Variants in C6 observed in about 807,000 individuals in gnomAD.
C6 encodes the protein complement component C6.
In C6, 101 loss-of-function variants were observed where a neutral mutation model predicts 112.9. The observed-to-expected ratio is 0.89, with a 90% confidence interval of 0.76 to 1.06. The LOEUF (loss-of-function observed/expected upper bound fraction) is 1.06. Among genes scored for constraint, C6 ranks in the 50% least tolerant of loss-of-function variants. The pLI is 0.00. For missense variants in C6, 1,202 were observed against 1,104.6 expected (o/e 1.09, Z -1.25); for synonymous variants, 431 against 384.1 (o/e 1.12, Z -1.43).
chr5:41,225,412 G>A (rs1181406095), intron 1 of C6, among the ~76,000 whole-genome samples: 1 of 152,056 alleles, frequency 6.6e-6, no homozygotes, highest in Admixed American at 6.6e-5. Flanking sequence ...ATTTTTTACG[G>A]CTGCATAGTA....
chr5:41,158,880 A>C lies in C6; in HGVS notation c.1857-95T>G, dbSNP rs1195150672. On this transcript the variant is annotated intron_variant, in intron 12 of 17. Transcript: ENST00000337836. Reference sequence around the variant, plus strand: ...ATGTGTATACATGTGTACACATTGCATACATATATGTATTAAATAGAAAAC... The same window carrying C: ...ATGTGTATACATGTGTACACATTGCCTACATATATGTATTAAATAGAAAAC... 3 of 961,934 alleles carry C rather than the reference A, an allele frequency of 3.1e-6. No individual in the cohort carries two copies. In the African/African-American group the frequency reaches 4.8e-5, roughly 15 times the overall value. 59.6% of individuals were successfully genotyped at this position (961,934 alleles called of 1,614,324 possible). A position where few individuals can be genotyped will look rare whatever the true frequency, so the allele number is the denominator to read the frequency against.
At chr5:41,244,445 C>A (rs183163552) in intron 1 of C6, among the ~76,000 whole-genome samples, 8 of 152,288 alleles carry the variant, frequency 5.3e-5, no homozygotes, top group Non-Finnish European at 1.0e-4. Flanking sequence ...GATCATACTT[C>A]ACAAATGGTA....
intron 5 of C6, among the ~76,000 whole-genome samples, chr5:41,192,521 T>C (rs954074286): frequency 3.9e-5 from 6 of 152,176 alleles, no homozygotes; most frequent in Admixed American, 2.6e-4. Flanking sequence ...CTTTTCTTTT[T>C]TGGGAGACTT....
At chr5:41,254,829 GC>G in intron 1 of C6, among the ~76,000 whole-genome samples, 1 of 152,326 alleles carries the variant, frequency 6.6e-6, no homozygotes, top group South Asian at 2.1e-4. Context: ...GACTAGTCCT[GC>G]AAGAGTTTAT....
chr5:41,223,911 A>G (rs1255496197), intron 1 of C6, among the ~76,000 whole-genome samples: 2 of 152,126 alleles, frequency 1.3e-5, no homozygotes, highest in African/African-American at 4.8e-5. Context: ...AGCAGTGCCT[A>G]AATTTTCATT....
Position 41,161,633 on chromosome 5 carries a change from C to A in C6, c.1458+60G>T, listed in dbSNP as rs535317652. The A allele has an allele frequency of 1.1e-5, 14 of 1,310,958 alleles. No homozygotes were observed. The South Asian group carries it at 1.7e-4, about 15-fold the overall frequency. The allele number at this position is 1,310,958 out of a possible 1,614,324, so 81.2% of individuals were successfully genotyped here. On this transcript the variant is annotated intron_variant, in intron 10 of 17. Coordinates refer to ENST00000337836, the MANE Select transcript of C6 (RefSeq NM_000065.5). ...AATGGAAAATAAATTGTGTGATGTG[C>A]AATTTGGGCTGCTAGAGAACTACTT...
At chr5:41,151,025 A>G (rs1281922015) in intron 15 of C6, among the ~76,000 whole-genome samples, 1 of 152,162 alleles carries the variant, frequency 6.6e-6, no homozygotes. Context: ...TGGGAGGCTA[A>G]TAGGGTCTTT....
chr5:41,258,075 G>A (rs747760368), intron 1 of C6, among the ~76,000 whole-genome samples: 1 of 151,774 alleles, frequency 6.6e-6, no homozygotes, highest in Non-Finnish European at 1.5e-5. Context: ...AACCCACCAG[G>A]CATGGTCTTC....
chr5:41,195,967 A>G, intron 4 of C6, 34 bp from the exon 5 acceptor site: 1 of 1,611,792 alleles, frequency 6.2e-7, no homozygotes, highest in Non-Finnish European at 8.5e-7. Context: ...TCAATGCAAC[A>G]AATTATCATT....
chr5:41,201,834 A>C, intron 2 of C6, 120 bp from the exon 3 acceptor site: 1 of 926,806 alleles, frequency 1.1e-6, no homozygotes, highest in Non-Finnish European at 1.7e-6. Context: ...ATTTTCATGG[A>C]AAAATTAGGC....
chr5:41,160,420 T>A (rs1308784709), intron 10 of C6, 53 bp from the exon 11 acceptor site: 2 of 1,356,154 alleles, frequency 1.5e-6, no homozygotes, highest in African/African-American at 1.4e-5. Flanking sequence ...TGGTAATAGG[T>A]TGCCATTACT....
In C6 at chr5:41,181,352, T is replaced by C. The variant is rs1350974594; in HGVS notation, c.927+7A>G. 6 of 1,613,042 alleles carry C rather than the reference T, an allele frequency of 3.7e-6. No homozygotes were observed. The highest frequency in any genetic ancestry group is 1.3e-5 in the African/African-American group (1 of 75,032). On this transcript the variant is annotated splice_region_variant and intron_variant, in intron 7 of 17. Transcript: ENST00000337836. ...AAGAATAAAAGGTTGGAAACCATTT[T>C]TGATACCTTTTTGTGAGAGGCTTGA...
At chr5:41,245,056 A>AT (rs1202620201) in intron 1 of C6, among the ~76,000 whole-genome samples, 4 of 152,050 alleles carry the variant, frequency 2.6e-5, no homozygotes, top group East Asian at 1.9e-4. Flanking sequence ...ATTTGTTAAC[A>AT]TTTTTTATAA....
rs371333689 is a variant in C6 at position 41,181,442 on chromosome 5, G to C, written c.844C>G (p.Pro282Ala). The change falls in exon 7 of 18, where the codon CCA becomes GCA. Residue 282 changes from proline (P) to alanine (A), a missense_variant. Coordinates refer to ENST00000337836, the MANE Select transcript of C6 (RefSeq NM_000065.5). ...CTTCTCTTTGAGGAATAAAAAATTGGTACACTGAAAGAGCTCCCCCCCTGA... is the reference window on the plus strand; with the variant it reads ...CTTCTCTTTGAGGAATAAAAAATTGCTACACTGAAAGAGCTCCCCCCCTGA... ...SSQGGSSFSV[P>A]IFYSSKRSEN... 1 of 1,613,762 alleles carries C rather than the reference G, an allele frequency of 6.2e-7. No individual in the cohort carries two copies. The highest frequency in any genetic ancestry group is 8.5e-7 in the Non-Finnish European group (1 of 1,179,820).
At chr5:41,240,967 A>G (rs772694527) in intron 1 of C6, among the ~76,000 whole-genome samples, 2 of 152,168 alleles carry the variant, frequency 1.3e-5, no homozygotes, top group African/African-American at 2.4e-5. Flanking sequence ...CCCTGATGCT[A>G]TGTGTGTGCA....
intron 1 of C6, among the ~76,000 whole-genome samples, chr5:41,228,251 T>C (rs943373975): frequency 2.6e-5 from 4 of 152,160 alleles, no homozygotes; most frequent in Non-Finnish European, 4.4e-5. Context: ...TCTTGATTTC[T>C]TTTTTGGATA....
chr5:41,221,221 G>A (rs565853356), intron 1 of C6, among the ~76,000 whole-genome samples: 13 of 151,960 alleles, frequency 8.6e-5, no homozygotes, highest in African/African-American at 2.9e-4. Context: ...CATTTATCCT[G>A]AGCCCAGGCC....
At chr5:41,225,336 C>T (rs1016833922) in intron 1 of C6, among the ~76,000 whole-genome samples, 14 of 151,640 alleles carry the variant, frequency 9.2e-5, no homozygotes, top group East Asian at 3.9e-4. Flanking sequence ...TTTGTCCTTG[C>T]GATAGTTTGC....
intron 8 of C6, 29 bp downstream of exon 8, chr5:41,176,446 T>A (rs1561129913): frequency 6.2e-7 from 1 of 1,610,142 alleles, no homozygotes; most frequent in Admixed American, 1.7e-5. Flanking sequence ...TCATACCAGT[T>A]AAAAAGAGTG....
Sources: gnomAD v4.1 joint callset for allele counts (sites outside exome capture counted in the v4.1 genomes callset) on GRCh38, gnomAD v4.1.1 for gene constraint, MANE v1.5 for transcripts, NCBI Gene and HGNC (gene_info 2026-07-23, HGNC 2026-07-21) for gene names.